STX18: variants seen among roughly 807,000 people sequenced by gnomAD.
The protein encoded by STX18 is syntaxin-18.
A neutral mutation model predicts 50.1 loss-of-function variants in STX18; 40 were observed. That is an observed-to-expected ratio of 0.80 (90% confidence interval 0.62 to 1.04). The LOEUF is 1.04. Among genes scored for constraint, STX18 ranks in the 50% least tolerant of loss-of-function variants. The probability of loss-of-function intolerance (pLI) is 0.00; values close to 1 mark genes in which losing one functional copy is unlikely to be tolerated. For missense variants in STX18, 410 were observed against 415.8 expected (o/e 0.99, Z 0.12); for synonymous variants, 158 against 151.8 (o/e 1.04, Z -0.30).
At chr4:4,439,254 T>G (rs1426745968) in intron 5 of STX18, among the ~76,000 whole-genome samples, 1 of 121,492 alleles carries the variant, frequency 8.2e-6, no homozygotes, top group African/African-American at 3.8e-5. Flanking sequence ...ATACATATAT[T>G]CACATATACT....
chr4:4,472,045 T>G (rs2108836551), intron 1 of STX18, among the ~76,000 whole-genome samples: 1 of 152,336 alleles, frequency 6.6e-6, no homozygotes, highest in Non-Finnish European at 1.5e-5. Context: ...ATAGCTAAAA[T>G]TGCACAGCAA....
intron 5 of STX18, among the ~76,000 whole-genome samples, chr4:4,443,484 G>C (rs1336923057): frequency 6.6e-6 from 1 of 152,178 alleles, no homozygotes; most frequent in African/African-American, 2.4e-5. Flanking sequence ...CCTAGGATGA[G>C]GAACAACGTA....
chr4:4,511,565 A>G (rs983823938), intron 1 of STX18, among the ~76,000 whole-genome samples: 1 of 152,176 alleles, frequency 6.6e-6, no homozygotes, highest in South Asian at 2.1e-4. Context: ...GCAGTCTAGA[A>G]GTAGCTATTT....
chr4:4,529,189 C>A (rs1414154017), intron 1 of STX18, among the ~76,000 whole-genome samples: 2 of 152,090 alleles, frequency 1.3e-5, no homozygotes, highest in Non-Finnish European at 2.9e-5. Flanking sequence ...CGGTGAAACC[C>A]TGTCTCTACT....
At chr4:4,479,087 GT>G (rs1264291497) in intron 1 of STX18, 2 of 152,202 alleles carry the variant, frequency 1.3e-5, no homozygotes, top group African/African-American at 4.8e-5. Flanking sequence ...AGGGAATTGG[GT>G]AAAAACTATT....
At chr4:4,524,202 G>C (rs1242524483) in intron 1 of STX18, among the ~76,000 whole-genome samples, 1 of 152,144 alleles carries the variant, frequency 6.6e-6, no homozygotes. Flanking sequence ...GATACCTTCA[G>C]TTCAAAGTGG....
At chr4:4,511,001 T>G (rs1201847033) in intron 1 of STX18, among the ~76,000 whole-genome samples, 2 of 151,986 alleles carry the variant, frequency 1.3e-5, no homozygotes, top group Non-Finnish European at 2.9e-5. Flanking sequence ...TGGAGCCTGT[T>G]GTGGGGTGGA....
At chr4:4,467,908 T>G (rs1007165571) in intron 2 of STX18, among the ~76,000 whole-genome samples, 2 of 152,102 alleles carry the variant, frequency 1.3e-5, no homozygotes, top group Non-Finnish European at 2.9e-5. Flanking sequence ...AAAAAAATAC[T>G]GTAATGGAAG....
intron 1 of STX18, among the ~76,000 whole-genome samples, chr4:4,519,817 T>C (rs556061655): frequency 8.5e-5 from 13 of 152,310 alleles, no homozygotes; most frequent in African/African-American, 3.1e-4. Context: ...GAAACTGCAA[T>C]ACCACACTGA....
At chr4:4,507,437 T>TGG (rs1729766561) in intron 1 of STX18, 1 of 759,610 alleles carries the variant, frequency 1.3e-6, no homozygotes, top group African/African-American at 1.7e-5. Context: ...CAAGTCCGGC[T>TGG]AGTATGCGAA....
At chr4:4,522,673 T>G (rs917396666) in intron 1 of STX18, among the ~76,000 whole-genome samples, 1 of 152,212 alleles carries the variant, frequency 6.6e-6, no homozygotes, top group African/African-American at 2.4e-5. Context: ...AGCTGTATGC[T>G]ATAAAGTATT....
chr4:4,447,813 A>T (rs912678480), intron 5 of STX18, among the ~76,000 whole-genome samples: 1 of 151,818 alleles, frequency 6.6e-6, no homozygotes, highest in Non-Finnish European at 1.5e-5. Context: ...TAATAAGACA[A>T]TTTTTTTTGT....
chr4:4,457,416 G>A lies in STX18; in HGVS notation c.430+7C>T. The A allele has an allele frequency of 6.2e-7, 1 of 1,610,948 alleles. No individual in the cohort carries two copies. Among genetic ancestry groups the A allele is most frequent in the South Asian group, 1.1e-5 (1 of 90,552 alleles). ...TTACATTTGACCTTTAAAAGAAAAT[G>A]AAATACTTTTCAAGTAATCTTCAAT... On this transcript the variant is annotated splice_region_variant and intron_variant, in intron 4 of 10. Coordinates refer to ENST00000306200, the MANE Select transcript of STX18 (RefSeq NM_016930.4).
chr4:4,471,761 T>G, intron 1 of STX18, 55 bp from the exon 2 acceptor site: 1 of 1,255,052 alleles, frequency 8.0e-7, no homozygotes, highest in Non-Finnish European at 1.1e-6. Flanking sequence ...ACTCATGTAA[T>G]GAATTTTAAA....
chr4:4,497,984 G>A (rs1729256617), intron 1 of STX18, among the ~76,000 whole-genome samples: 1 of 152,182 alleles, frequency 6.6e-6, no homozygotes. Context: ...AAGGTCTATG[G>A]TCTGTCAAAG....
chr4:4,463,773 G>A (rs372762136), intron 2 of STX18, among the ~76,000 whole-genome samples: 6 of 152,060 alleles, frequency 3.9e-5, no homozygotes, highest in Admixed American at 1.3e-4. Flanking sequence ...TTGACACTGC[G>A]ATCTAGTGTT....
chr4:4,429,464 G>A (rs1161520672), intron 7 of STX18, among the ~76,000 whole-genome samples: 3 of 152,174 alleles, frequency 2.0e-5, no homozygotes, highest in African/African-American at 7.2e-5. Flanking sequence ...ATGACGCCAA[G>A]AGAAGTATTT....
chr4:4,539,777 C>T (rs1731494970), intron 1 of STX18, among the ~76,000 whole-genome samples: 1 of 151,164 alleles, frequency 6.6e-6, no homozygotes, highest in Non-Finnish European at 1.5e-5. Context: ...CTGTTACTGT[C>T]CCTGAGGCCC....
chr4:4,471,754 C>T (rs776783869), intron 1 of STX18, 48 bp from the exon 2 acceptor site: 3 of 1,296,164 alleles, frequency 2.3e-6, no homozygotes, highest in Non-Finnish European at 3.2e-6. Context: ...ATGTTACACT[C>T]ATGTAATGAA....
Sources: gnomAD v4.1 joint callset for allele counts (sites outside exome capture counted in the v4.1 genomes callset) on GRCh38, gnomAD v4.1.1 for gene constraint, MANE v1.5 for transcripts, NCBI Gene and HGNC (gene_info 2026-07-23, HGNC 2026-07-21) for gene names.